Variants in MYB observed in about 807,000 individuals in gnomAD.
MYB encodes transcriptional activator Myb.
MYB carries 28 observed loss-of-function variants against 92.9 expected under a neutral mutation model. The ratio of observed to expected loss-of-function variants is 0.30; its 90% CI spans 0.22 to 0.41. The LOEUF is 0.41. Among genes scored for constraint, MYB ranks in the 10% least tolerant of loss-of-function variants. MYB has a pLI of 1.00. For synonymous variants in MYB, 295 were observed against 329.1 expected (o/e 0.90, Z 1.12); for missense variants, 679 against 929.3 (o/e 0.73, Z 3.50).
chr6:135,207,162 C>T (rs74435840), intron 15 of MYB, among the ~76,000 whole-genome samples: 15,109 of 152,118 alleles, frequency 0.099, 816 homozygotes, highest in South Asian at 0.14. Context: ...ATGTATTTTA[C>T]TTAAGAGTAC....
intron 15 of MYB, among the ~76,000 whole-genome samples, chr6:135,214,977 T>C (rs1780235709): frequency 6.6e-6 from 1 of 152,248 alleles, no homozygotes; most frequent in Admixed American, 6.5e-5. Flanking sequence ...CTTGTCATTT[T>C]TGAGATACTC....
chr6:135,184,555 A>G (rs1408004488), intron 1 of MYB, among the ~76,000 whole-genome samples: 2 of 152,032 alleles, frequency 1.3e-5, no homozygotes. Flanking sequence ...TCGCCATTCA[A>G]CCTGGACTAT....
At chr6:135,199,651 C>A (rs1013322916) in intron 11 of MYB, 1 of 609,108 alleles carries the variant, frequency 1.6e-6, no homozygotes, top group Non-Finnish European at 2.1e-6. Flanking sequence ...TGTGAATTAT[C>A]AGAAACCTTG....
rs1274234383 is a variant in MYB, at chr6:135,192,531, C to T, written c.735C>T (p.Ser245=). Reference sequence around the variant, plus strand: ...AGCCCACTGTTAACAACGACTATTCCTATTACCACATTTCTGAAGCACAAA... The same window carrying T: ...AGCCCACTGTTAACAACGACTATTCTTATTACCACATTTCTGAAGCACAAA... ...TGQPTVNNDY[S]YYHISEAQNV... The change falls in exon 6 of 16, where the codon TCC becomes TCT. Residue 245 remains serine (S), a synonymous_variant. Coordinates refer to ENST00000341911, the MANE Select transcript of MYB (RefSeq NM_001130173.2). 6.2e-7 allele frequency: 1 copy of T among 1,614,240 alleles called. No homozygotes were observed. The highest frequency in any genetic ancestry group is 2.2e-5 in the East Asian group (1 of 44,894).
intron 2 of MYB, among the ~76,000 whole-genome samples, chr6:135,187,627 C>T (rs1164716003): frequency 2.0e-5 from 3 of 152,152 alleles, no homozygotes; most frequent in African/African-American, 7.2e-5. Context: ...ACCCGCTTTA[C>T]ACAATTAATA....
In MYB at chr6:135,197,088, CAGG is replaced by C; in HGVS notation, c.1334_1336del (p.Gly445del). The stretch of plus-strand genomic sequence containing the variant: ...AGAGAGGGCAATGGGACTAAACCTG[CAGG>C]AGAACCTAGCCCAAGGGTGAACAAA... On this transcript the variant is annotated inframe_deletion, in exon 10 of 16. Coordinates refer to ENST00000341911, the MANE Select transcript of MYB (RefSeq NM_001130173.2). 4 of 1,614,030 alleles carry C rather than the reference CAGG, an allele frequency of 2.5e-6. No homozygotes were observed. Among genetic ancestry groups the C allele is most frequent in the African/African-American group, 1.3e-5 (1 of 75,048 alleles).
At chr6:135,195,354 C>CGTAGT in intron 8 of MYB, 1 of 158,236 alleles carries the variant, frequency 6.3e-6, no homozygotes, top group South Asian at 1.2e-4. Context: ...ACTCCTGAGT[C>CGTAGT]CTCTAGCTTT....
chr6:135,193,016 G>A (rs1776823240), intron 6 of MYB, among the ~76,000 whole-genome samples: 2 of 152,138 alleles, frequency 1.3e-5, no homozygotes, highest in Admixed American at 1.3e-4. Context: ...GTTATGGTAT[G>A]TTTCATTCTG....
intron 1 of MYB, among the ~76,000 whole-genome samples, chr6:135,183,376 C>T (rs1282141444): frequency 6.6e-6 from 1 of 152,192 alleles, no homozygotes; most frequent in Non-Finnish European, 1.5e-5. Context: ...TCTTCCTAAC[C>T]CCCAGCACCT....
rs1456955868 is a variant in MYB at position 135,190,974 on chromosome 6, T to A, written c.527+627T>A. Among the ~76,000 whole-genome samples, 4 of 152,062 alleles carry A rather than the reference T, an allele frequency of 2.6e-5. No homozygotes were observed. On this transcript the variant is annotated intron_variant, in intron 5 of 15. Transcript: ENST00000341911. This position sits in a 1 kb window ranked among gnomAD's most constrained non-coding sequence, Gnocchi z 4.5. ...ACTACACCCAGCTGATTTTAAAATA[T>A]TTTTTGTAGAGATGGAATCCTGCTA...
intron 15 of MYB, among the ~76,000 whole-genome samples, chr6:135,211,667 G>A (rs976388782): frequency 6.6e-6 from 1 of 152,154 alleles, no homozygotes; most frequent in Non-Finnish European, 1.5e-5. Context: ...GTCTATCAAC[G>A]TGAAAGGTGA....
At position 135,182,471 on chromosome 6, in the gene MYB, G is replaced by A. The variant is rs1380224143; in HGVS notation, c.23+935G>A. ...CACTCGGCTCAAGGGGACAGAGGCC[G>A]GCAGCACCCAAGGCCGCTGCCGCGC... On this transcript the variant is annotated intron_variant, in intron 1 of 15. Transcript: ENST00000341911. The surrounding 1 kb of genome is among the most constrained non-coding windows in gnomAD (Gnocchi z 5.6). Among the ~76,000 whole-genome samples, 1 of 152,272 alleles carries A rather than the reference G, an allele frequency of 6.6e-6. No homozygotes were observed. The highest frequency in any genetic ancestry group is 2.4e-5 in the African/African-American group (1 of 41,562).
chr6:135,186,044 G>A (rs1224940687), intron 2 of MYB, 24 bp downstream of exon 2: 8 of 1,583,292 alleles, frequency 5.1e-6, no homozygotes, highest in South Asian at 2.2e-5. Context: ...TTATCAAGAC[G>A]CAGAAAATAG....
intron 8 of MYB, 157 bp downstream of exon 8, chr6:135,194,617 A>G (rs1008926318): frequency 3.3e-6 from 2 of 609,838 alleles, no homozygotes; most frequent in Non-Finnish European, 5.7e-6. Flanking sequence ...TGTAGTTGGT[A>G]TCAGATTATA....
At chr6:135,208,762 T>A (rs1779326927) in intron 15 of MYB, among the ~76,000 whole-genome samples, 1 of 152,196 alleles carries the variant, frequency 6.6e-6, no homozygotes, top group Non-Finnish European at 1.5e-5. Context: ...AATAGACATT[T>A]TTATATATAA....
In MYB at chr6:135,181,634, T is replaced by C; in HGVS notation, c.23+98T>C. The C allele has an allele frequency of 1.1e-6, 1 of 892,446 alleles. No individual in the cohort carries two copies. The highest frequency in any genetic ancestry group is 1.4e-6 in the Non-Finnish European group (1 of 704,462). The allele number at this position is 892,446 out of a possible 1,614,324, so 55.3% of individuals were successfully genotyped here. A position where few individuals can be genotyped will look rare whatever the true frequency, so the allele number is the denominator to read the frequency against. On this transcript the variant is annotated intron_variant, in intron 1 of 15. Transcript: ENST00000341911. This position sits in a 1 kb window ranked among gnomAD's most constrained non-coding sequence, Gnocchi z 5.3. ...CAGGTGGGAATTCGTTCCGGGATCA[T>C]CTGAGGGGCTGTCAGACCCTCCGAG...
In MYB at chr6:135,217,950, T is replaced by C. The variant is rs746284031; in HGVS notation, c.2256T>C (p.Asn752=). ...TSSSQARKYV[N]AFSARTLVM ...CCAGTCAAGCTCGTAAATACGTGAA[T>C]GCATTCTCAGCCCGGACGCTGGTCA... Residue 752 remains asparagine, a synonymous_variant, in exon 16 of 16, where the codon AAT becomes AAC. Transcript: ENST00000341911. 1.9e-6 allele frequency: 3 copies of C among 1,612,570 alleles called. No homozygotes were observed. The highest frequency in any genetic ancestry group is 2.5e-6 in the Non-Finnish European group (3 of 1,178,640).
In MYB at chr6:135,181,799, T is replaced by C. The variant is rs1263357844; in HGVS notation, c.23+263T>C. Among the ~76,000 whole-genome samples the C allele has an allele frequency of 3.9e-5, 6 of 152,198 alleles. No homozygotes were observed. Among genetic ancestry groups the C allele is most frequent in the African/African-American group, 1.4e-4 (6 of 41,456 alleles). On this transcript the variant is annotated intron_variant, in intron 1 of 15. Coordinates refer to ENST00000341911, the MANE Select transcript of MYB (RefSeq NM_001130173.2). This position sits in a 1 kb window ranked among gnomAD's most constrained non-coding sequence, Gnocchi z 5.3. ...AGTTGCATGGGGATACATTTTTCTT[T>C]AGGGGGAAAAAGAAAGCACGTTCCA...
rs1053045742 is a variant in MYB at position 135,199,197 on chromosome 6, A to G, written c.1709+147A>G. 1.2e-5 allele frequency: 8 copies of G among 670,066 alleles called. No homozygotes were observed. In the Admixed American group the frequency reaches 2.5e-4, roughly 21 times the overall value. The allele number at this position is 670,066 out of a possible 1,614,324, so 41.5% of individuals were successfully genotyped here. On this transcript the variant is annotated intron_variant, in intron 11 of 15. Coordinates refer to ENST00000341911, the MANE Select transcript of MYB (RefSeq NM_001130173.2). ...AATCATGTCTATTCCCACATTGAATATATCTGTCCTGGGCATATTACAACT... is the reference window on the plus strand; with the variant it reads ...AATCATGTCTATTCCCACATTGAATGTATCTGTCCTGGGCATATTACAACT...
Sources: gnomAD v4.1 joint callset for allele counts (sites outside exome capture counted in the v4.1 genomes callset) on GRCh38, gnomAD v4.1.1 for gene constraint, Gnocchi (gnomAD v3.1) non-coding constraint, MANE v1.5 for transcripts, NCBI Gene and HGNC (gene_info 2026-07-23, HGNC 2026-07-21) for gene names.